The following DPP10 variants were observed in gnomAD, a reference collection of about 807,000 sequenced individuals.
DPP10 encodes dipeptidyl peptidase like 10.
Under a neutral mutation model 120.9 loss-of-function variants are expected in DPP10, and 33 were observed. The observed-to-expected ratio is 0.27, with a 90% CI of 0.21 to 0.37. The LOEUF is 0.37. DPP10 is among the 10% of genes least tolerant of loss of function. The pLI is 1.00. For synonymous variants in DPP10, 337 were observed against 326.1 expected (o/e 1.03, Z -0.36); for missense variants, 816 against 942.8 (o/e 0.87, Z 1.76).
At chr2:114,544,710 AT>A (rs1322678624) in intron 1 of DPP10, among the ~76,000 whole-genome samples, 1 of 152,010 alleles carries the variant, frequency 6.6e-6, no homozygotes, top group Non-Finnish European at 1.5e-5. Flanking sequence ...TAAGTGCTCA[AT>A]TTATTGATTA....
intron 5 of DPP10, among the ~76,000 whole-genome samples, chr2:115,605,957 G>T (rs983705772): frequency 1.3e-5 from 2 of 151,998 alleles, no homozygotes; most frequent in Non-Finnish European, 2.9e-5. Context: ...CTATGCCTTT[G>T]ATATTTTATG....
chr2:114,614,268 T>TAA (rs990736287), intron 1 of DPP10, among the ~76,000 whole-genome samples: 2 of 152,178 alleles, frequency 1.3e-5, no homozygotes, highest in African/African-American at 4.8e-5. Context: ...GCATCTAGGA[T>TAA]AAACTTAAAT....
At chr2:115,267,597 C>T (rs1300433705) in intron 1 of DPP10, among the ~76,000 whole-genome samples, 1 of 152,060 alleles carries the variant, frequency 6.6e-6, no homozygotes, top group Admixed American at 6.6e-5. Flanking sequence ...TTGCCTACCT[C>T]TCTCACCTTT....
rs542436701 is a variant in DPP10, at chr2:115,403,978, A to T, written c.271+60066A>T. Among the ~76,000 whole-genome samples the T allele has an allele frequency of 1.1e-4, 17 of 152,310 alleles. No individual in the cohort carries two copies. In the East Asian group the frequency reaches 1.9e-3, roughly 17 times the overall value. ...GGTCTATCTTAAAAGGAAATTTTTTAAAAAATCTCATTTACAATAGCAATA... is the reference window on the plus strand; with the variant it reads ...GGTCTATCTTAAAAGGAAATTTTTTTAAAAATCTCATTTACAATAGCAATA... On this transcript the variant is annotated intron_variant, in intron 3 of 25. Coordinates refer to ENST00000410059, the MANE Select transcript of DPP10 (RefSeq NM_020868.6).
In DPP10 at chr2:114,869,662, C is replaced by T. The variant is rs557184026; in HGVS notation, c.60+426824C>T. 2.0e-5 allele frequency among the ~76,000 whole-genome samples: 3 copies of T among 152,258 alleles called. No homozygotes were observed. The South Asian group carries it at 6.2e-4, about 32-fold the overall frequency. ...GAGGACTGGAATGGAGGCCAGACTGCCCCATCTAGTTCCTCCCTATCTCAG... is the reference window on the plus strand; with the variant it reads ...GAGGACTGGAATGGAGGCCAGACTGTCCCATCTAGTTCCTCCCTATCTCAG... On this transcript the variant is annotated intron_variant, in intron 1 of 25. Coordinates refer to ENST00000410059, the MANE Select transcript of DPP10 (RefSeq NM_020868.6).
chr2:114,596,139 A>G (rs1166353858), intron 1 of DPP10, among the ~76,000 whole-genome samples: 2 of 66,514 alleles, frequency 3.0e-5, no homozygotes, highest in African/African-American at 6.1e-5. Flanking sequence ...ATCAAATTCA[A>G]TTTGAAAATA....
intron 1 of DPP10, among the ~76,000 whole-genome samples, chr2:114,472,769 T>G (rs761150939): frequency 6.6e-6 from 1 of 152,204 alleles, no homozygotes; most frequent in Non-Finnish European, 1.5e-5. Context: ...TTTGTTTTTA[T>G]TCTATTTGTG....
intron 5 of DPP10, among the ~76,000 whole-genome samples, chr2:115,637,517 T>C (rs1370409414): frequency 6.6e-6 from 1 of 152,150 alleles, no homozygotes; most frequent in Non-Finnish European, 1.5e-5. Flanking sequence ...AGAGTAAGAT[T>C]GGGCAACAGT....
intron 5 of DPP10, among the ~76,000 whole-genome samples, chr2:115,557,647 A>G (rs2080300178): frequency 6.6e-6 from 1 of 152,224 alleles, no homozygotes; most frequent in Admixed American, 6.5e-5. Context: ...GGAAATACTC[A>G]GACATACCCA....
At chr2:115,463,352 A>C (rs1574921233) in intron 3 of DPP10, among the ~76,000 whole-genome samples, 1 of 152,174 alleles carries the variant, frequency 6.6e-6, no homozygotes, top group Non-Finnish European at 1.5e-5. Context: ...GATTTATTTA[A>C]GCTGAACTAA....
At chr2:115,813,979 C>A (rs993317693) in intron 19 of DPP10, among the ~76,000 whole-genome samples, 3 of 152,072 alleles carry the variant, frequency 2.0e-5, no homozygotes, top group Non-Finnish European at 4.4e-5. Flanking sequence ...AGGTATGGAC[C>A]TAGATATTCT....
Position 115,318,111 on chromosome 2 carries a change from A to AT in DPP10, c.175+8766dup, listed in dbSNP as rs538678101. On this transcript the variant is annotated intron_variant, in intron 2 of 25. Coordinates refer to ENST00000410059, the MANE Select transcript of DPP10 (RefSeq NM_020868.6). ...TGGGTCATTGATTCATTTTGAGTTA[A>AT]TTTTTTTTATGGTGTGAGTTAGGGA... Among the ~76,000 whole-genome samples the AT allele has an allele frequency of 3.6e-3, 546 of 151,566 alleles. 6 individuals are homozygous for AT. The highest frequency in any genetic ancestry group is 0.013 in the African/African-American group (521 of 41,296).
At chr2:114,949,976 C>T (rs1402084001) in intron 1 of DPP10, among the ~76,000 whole-genome samples, 1 of 152,076 alleles carries the variant, frequency 6.6e-6, no homozygotes, top group Non-Finnish European at 1.5e-5. Flanking sequence ...AAGCCACCAA[C>T]CTATGTTGGT....
intron 1 of DPP10, among the ~76,000 whole-genome samples, chr2:114,787,780 C>G (rs1426858536): frequency 6.6e-6 from 1 of 152,170 alleles, no homozygotes; most frequent in African/African-American, 2.4e-5. Flanking sequence ...CTGTGATCTT[C>G]TTTTAGTGTA....
At chr2:114,730,935 A>T (rs1676852788) in intron 1 of DPP10, among the ~76,000 whole-genome samples, 2 of 148,526 alleles carry the variant, frequency 1.3e-5, no homozygotes, top group African/African-American at 2.5e-5. Flanking sequence ...GCTGTGAGCC[A>T]CGGAAGAGCC....
chr2:114,971,931 C>A (rs1448284532), intron 1 of DPP10, among the ~76,000 whole-genome samples: 1 of 152,188 alleles, frequency 6.6e-6, no homozygotes, highest in Admixed American at 6.5e-5. Context: ...CAGGACTCAT[C>A]ATGGATGGTG....
chr2:115,697,581 A>AATATAT (rs34075750), intron 7 of DPP10, among the ~76,000 whole-genome samples: 28 of 149,194 alleles, frequency 1.9e-4, no homozygotes, highest in Middle Eastern at 3.6e-3. Context: ...AATTGAAGGG[A>AATATAT]ATATATATAT....
rs572529964 is a variant in DPP10, at chr2:115,547,193, G to T, written c.441+21221G>T. On this transcript the variant is annotated intron_variant, in intron 5 of 25. Transcript: ENST00000410059. ...AATGATAACTTAAAATTCCCAGCGAGGTCATTCTTCATCTTTCACTTTGCT... is the reference window on the plus strand; with the variant it reads ...AATGATAACTTAAAATTCCCAGCGATGTCATTCTTCATCTTTCACTTTGCT... Among the ~76,000 whole-genome samples, 4 of 152,206 alleles carry T rather than the reference G, an allele frequency of 2.6e-5. No homozygotes were observed. The South Asian group carries it at 8.3e-4, about 32-fold the overall frequency.
intron 1 of DPP10, among the ~76,000 whole-genome samples, chr2:114,617,580 T>C (rs1389701587): frequency 6.6e-6 from 1 of 152,088 alleles, no homozygotes; most frequent in African/African-American, 2.4e-5. Flanking sequence ...TCACTCTGTG[T>C]GCAATCTGGC....
Sources: allele counts gnomAD v4.1 joint callset (sites outside exome capture counted in the v4.1 genomes callset), GRCh38; gene constraint gnomAD v4.1.1; transcripts MANE v1.5; gene names NCBI Gene and HGNC (gene_info 2026-07-23, HGNC 2026-07-21).